Variants in NCK2 observed in about 807,000 individuals in gnomAD.
NCK2 encodes NCK adaptor protein 2.
A neutral mutation model predicts 33.9 loss-of-function variants in NCK2; 16 were observed. That is an observed-to-expected ratio of 0.47 (90% confidence interval 0.32 to 0.72). The LOEUF is 0.72. Ranked by LOEUF, NCK2 falls within the 30% of genes least tolerant of loss-of-function variation. The pLI is 0.03. For missense variants in NCK2, 418 were observed against 537.3 expected, an observed-to-expected ratio of 0.78 and a Z score of 2.19; for synonymous variants, 273 against 239.9, an observed-to-expected ratio of 1.14 and a Z score of -1.27.
At chr2:105,892,180 G>A (rs12992852) in intron 4 of NCK2, among the ~76,000 whole-genome samples, 36,969 of 150,482 alleles carry the variant, frequency 0.25, 4,712 homozygotes, top group Admixed American at 0.34. Flanking sequence ...GCAAAACTGC[G>A]TCTCAAAAAA....
intron 1 of NCK2, among the ~76,000 whole-genome samples, chr2:105,805,180 G>A (rs762104451): frequency 2.6e-5 from 4 of 152,162 alleles, no homozygotes; most frequent in East Asian, 1.9e-4. Flanking sequence ...AAGAGAGCAC[G>A]TTTGAGTTCC....
At chr2:105,867,178 C>T (rs1677798316) in intron 3 of NCK2, among the ~76,000 whole-genome samples, 1 of 152,210 alleles carries the variant, frequency 6.6e-6, no homozygotes, top group Non-Finnish European at 1.5e-5. Flanking sequence ...TTCCGCTTCT[C>T]CAACAAATTG....
chr2:105,802,406 G>A (rs1008012439), intron 1 of NCK2, among the ~76,000 whole-genome samples: 1 of 152,150 alleles, frequency 6.6e-6, no homozygotes, highest in Non-Finnish European at 1.5e-5. Context: ...AATACTTGAG[G>A]CTGGGTCATT....
Position 105,855,028 on chromosome 2 carries a change from T to G in NCK2, c.-16-20T>G. ...TCCGGGTAGTTCTCTAATGAGCATCTCCAAATGTTTTGCTGGCAGAAGGAC... is the reference window on the plus strand; with the variant it reads ...TCCGGGTAGTTCTCTAATGAGCATCGCCAAATGTTTTGCTGGCAGAAGGAC... On this transcript the variant is annotated intron_variant, in intron 2 of 4. Coordinates refer to ENST00000233154, the MANE Select transcript of NCK2 (RefSeq NM_003581.5). The G allele has an allele frequency of 6.3e-7, 1 of 1,586,586 alleles. No individual in the cohort carries two copies. The highest frequency in any genetic ancestry group is 8.7e-7 in the Non-Finnish European group (1 of 1,155,146).
chr2:105,795,555 T>G (rs1691049722), intron 1 of NCK2, among the ~76,000 whole-genome samples: 1 of 152,176 alleles, frequency 6.6e-6, no homozygotes, highest in African/African-American at 2.4e-5. Flanking sequence ...ACAAACTTGG[T>G]CTATTTAGTT....
At chr2:105,799,813 C>T (rs1573607116) in intron 1 of NCK2, among the ~76,000 whole-genome samples, 1 of 152,164 alleles carries the variant, frequency 6.6e-6, no homozygotes, top group Non-Finnish European at 1.5e-5. Flanking sequence ...CCTTACCTGG[C>T]CTTCCCCTCC....
chr2:105,861,359 G>A (rs1054623794), intron 3 of NCK2, among the ~76,000 whole-genome samples: 14 of 152,204 alleles, frequency 9.2e-5, no homozygotes, highest in African/African-American at 3.4e-4. Context: ...GTGAAAGGAA[G>A]TCTGGCTCGT....
chr2:105,849,181 G>A (rs1041491984), intron 2 of NCK2, among the ~76,000 whole-genome samples: 2 of 152,184 alleles, frequency 1.3e-5, no homozygotes, highest in African/African-American at 4.8e-5. Flanking sequence ...CCAGAAGCTT[G>A]AGACCAGCCT....
intron 2 of NCK2, among the ~76,000 whole-genome samples, chr2:105,830,362 A>G (rs1327456781): frequency 6.6e-6 from 1 of 152,202 alleles, no homozygotes; most frequent in African/African-American, 2.4e-5. Flanking sequence ...ATATAATAAC[A>G]TTATCCAGGC....
intron 1 of NCK2, among the ~76,000 whole-genome samples, chr2:105,760,134 G>C (rs1467689827): frequency 6.6e-6 from 1 of 152,196 alleles, no homozygotes; most frequent in Non-Finnish European, 1.5e-5. Flanking sequence ...TGTAGGGGTT[G>C]TATTTACATT....
chr2:105,779,810 A>G (rs1690429051), intron 1 of NCK2, among the ~76,000 whole-genome samples: 2 of 152,186 alleles, frequency 1.3e-5, no homozygotes, highest in East Asian at 1.9e-4. Flanking sequence ...AGCTTTGTAG[A>G]GTCCTCACGT....
At chr2:105,845,860 A>G (rs533437490) in intron 2 of NCK2, among the ~76,000 whole-genome samples, 1 of 152,264 alleles carries the variant, frequency 6.6e-6, no homozygotes, top group South Asian at 2.1e-4. Flanking sequence ...TGTGTTTCCT[A>G]AGAAGCCAAG....
chr2:105,771,061 T>C (rs1316835732), intron 1 of NCK2, among the ~76,000 whole-genome samples: 1 of 152,040 alleles, frequency 6.6e-6, no homozygotes, highest in Non-Finnish European at 1.5e-5. Context: ...TAGCTGGGAC[T>C]ACAGGCGCCC....
intron 4 of NCK2, among the ~76,000 whole-genome samples, chr2:105,892,554 G>A (rs1208474298): frequency 2.0e-5 from 3 of 150,716 alleles, no homozygotes; most frequent in South Asian, 2.1e-4. Context: ...ACAGAGACCC[G>A]GCTGGGCGTG....
intron 4 of NCK2, among the ~76,000 whole-genome samples, chr2:105,885,238 G>A (rs181596715): frequency 6.4e-4 from 97 of 152,272 alleles, no homozygotes; most frequent in African/African-American, 2.1e-3. Flanking sequence ...TTTAGTTCCC[G>A]AAGATATCAT....
At chr2:105,813,476 G>A (rs1479035095) in intron 1 of NCK2, among the ~76,000 whole-genome samples, 2 of 152,206 alleles carry the variant, frequency 1.3e-5, no homozygotes, top group Non-Finnish European at 2.9e-5. Context: ...CTGCTCCTCT[G>A]GAGTTGCCTT....
intron 2 of NCK2, among the ~76,000 whole-genome samples, chr2:105,853,255 C>T (rs116098659): frequency 0.05 from 7,620 of 152,188 alleles, 217 homozygotes; most frequent in South Asian, 0.082. Flanking sequence ...TCATCTTCTA[C>T]CTAAGAAGTA....
At chr2:105,768,227 C>T (rs1261683817) in intron 1 of NCK2, among the ~76,000 whole-genome samples, 2 of 150,848 alleles carry the variant, frequency 1.3e-5, no homozygotes, top group Non-Finnish European at 2.9e-5. Flanking sequence ...GTGTGTTTGC[C>T]CTCACAGCAA....
At chr2:105,829,929 T>C (rs2104518561) in intron 2 of NCK2, among the ~76,000 whole-genome samples, 1 of 152,272 alleles carries the variant, frequency 6.6e-6, no homozygotes, top group African/African-American at 2.4e-5. Context: ...CTTTTTGTTT[T>C]TTTGAGTTGA....
Sources: allele counts gnomAD v4.1 joint callset (sites outside exome capture counted in the v4.1 genomes callset), GRCh38; gene constraint gnomAD v4.1.1; transcripts MANE v1.5; gene names NCBI Gene and HGNC (gene_info 2026-07-23, HGNC 2026-07-21).